Variants in SH2D1A observed in about 807,000 individuals in gnomAD.
The protein encoded by SH2D1A is SH2 domain containing 1A, also known as SH2 domain-containing protein 1A.
In SH2D1A, 6 loss-of-function variants were observed where a neutral mutation model predicts 10.1. The ratio of observed to expected loss-of-function variants is 0.60; its 90% confidence interval spans 0.33 to 1.18. The LOEUF (loss-of-function observed/expected upper bound fraction) is 1.18. SH2D1A is among the 50% of genes most tolerant of loss of function. The probability of loss-of-function intolerance (pLI) is 0.04; values close to 1 mark genes in which losing one functional copy is unlikely to be tolerated. For missense variants in SH2D1A, 51 were observed against 97.6 expected (o/e 0.52, Z 2.01); for synonymous variants, 42 against 36.9 (o/e 1.14, Z -0.51).
chrX:124,350,525 T>C (rs5956645), intron 1 of SH2D1A, among the ~76,000 whole-genome samples: 15,899 of 32,078 alleles, frequency 0.5, 4,198 homozygotes, highest in African/African-American at 0.7. Flanking sequence ...TATTATATAC[T>C]ATATATAATA....
intron 1 of SH2D1A, among the ~76,000 whole-genome samples, chrX:124,353,673 A>G (rs186687608): frequency 7.1e-5 from 8 of 111,999 alleles, no homozygotes; most frequent in Admixed American, 6.7e-4. Context: ...TAAAATAATT[A>G]GCTCAAAAAA....
chrX:124,368,793 T>C (rs1416780175), intron 2 of SH2D1A, among the ~76,000 whole-genome samples: 1 of 112,564 alleles, frequency 8.9e-6, no homozygotes, highest in East Asian at 2.8e-4. Context: ...AAAAGTGCAC[T>C]GAGGAAAGTA....
chrX:124,366,574 A>G (rs2060055409), intron 2 of SH2D1A, among the ~76,000 whole-genome samples: 1 of 111,408 alleles, frequency 9.0e-6, no homozygotes, highest in African/African-American at 3.3e-5. Flanking sequence ...TGAAGTCTAG[A>G]CTTCAAGAAG....
At chrX:124,358,658 C>T (rs986351962) in intron 1 of SH2D1A, among the ~76,000 whole-genome samples, 3 of 112,184 alleles carry the variant, frequency 2.7e-5, no homozygotes, top group Non-Finnish European at 5.6e-5. Flanking sequence ...TGAATGACTA[C>T]GGAGGAGGTG....
At chrX:124,361,833 A>G (rs761844334) in intron 1 of SH2D1A, among the ~76,000 whole-genome samples, 1 of 111,953 alleles carries the variant, frequency 8.9e-6, no homozygotes, top group Non-Finnish European at 1.9e-5. Flanking sequence ...ATACAAAAGG[A>G]GAGAGATGAA....
intron 1 of SH2D1A, among the ~76,000 whole-genome samples, chrX:124,348,856 C>T (rs1008513827): frequency 8.9e-6 from 1 of 111,817 alleles, no homozygotes; most frequent in Non-Finnish European, 1.9e-5. Flanking sequence ...AACGGAATGG[C>T]CATTGAGAGG....
In SH2D1A at chrX:124,352,627, A is replaced by G. The variant is rs1326975963; in HGVS notation, c.137+5848A>G. 2.0e-4 allele frequency among the ~76,000 whole-genome samples: 22 copies of G among 111,840 alleles called. 1 individual carries two copies. The Admixed American group carries it at 2.1e-3, about 11-fold the overall frequency. Reference sequence around the variant, plus strand: ...GGATTTCATTCTTTTTAATGGCCAGATAGTATTCAATTGTATATGCATAGC... The same window carrying G: ...GGATTTCATTCTTTTTAATGGCCAGGTAGTATTCAATTGTATATGCATAGC... On this transcript the variant is annotated intron_variant, in intron 1 of 3. Transcript: ENST00000371139.
At chrX:124,369,732 T>C (rs1418804163) in intron 2 of SH2D1A, among the ~76,000 whole-genome samples, 1 of 111,921 alleles carries the variant, frequency 8.9e-6, no homozygotes, top group East Asian at 2.8e-4. Flanking sequence ...GATGGGTTGT[T>C]GGTTTTTCTT....
chrX:124,355,830 G>A (rs1448816243), intron 1 of SH2D1A, among the ~76,000 whole-genome samples: 1 of 111,790 alleles, frequency 8.9e-6, no homozygotes, highest in African/African-American at 3.3e-5. Flanking sequence ...GTTTTGAATA[G>A]TTGTAATCAG....
chrX:124,350,175 CTAATATATATAATATATAAATATA>C lies in SH2D1A; in HGVS notation c.137+3404_137+3427del, dbSNP rs2060004358. On this transcript the variant is annotated intron_variant, in intron 1 of 3. Coordinates refer to ENST00000371139, the MANE Select transcript of SH2D1A (RefSeq NM_002351.5). The stretch of plus-strand genomic sequence containing the variant: ...TATATATTTATATATATATAAATAT[CTAATATATATAATATATAAATATA>C]TAATATAAAATATATAATATATAAA... Among the ~76,000 whole-genome samples the C allele has an allele frequency of 6.9e-5, 4 of 57,905 alleles. No homozygotes were observed. The South Asian group carries it at 2.9e-3, about 42-fold the overall frequency. The allele number at this position is 57,905 out of a possible 115,157, so 50.3% of individuals were successfully genotyped here.
At chrX:124,371,312 T>C (rs776527290) in intron 3 of SH2D1A, 39 bp from the exon 4 acceptor site, 5 of 956,910 alleles carry the variant, frequency 5.2e-6, no homozygotes, top group Middle Eastern at 2.9e-4. Flanking sequence ...TAATAGTTTG[T>C]AAGTTTATTT....
chrX:124,369,588 T>G (rs954980761), intron 2 of SH2D1A, among the ~76,000 whole-genome samples: 3 of 112,062 alleles, frequency 2.7e-5, no homozygotes, highest in Non-Finnish European at 5.6e-5. Flanking sequence ...AAAAATTTAA[T>G]GTGAAGAATG....
chrX:124,347,306 A>G (rs2059996075), intron 1 of SH2D1A, among the ~76,000 whole-genome samples: 2 of 110,329 alleles, frequency 1.8e-5, no homozygotes, highest in Admixed American at 1.9e-4. Context: ...GTGTGTCAGT[A>G]AAATCACCTC....
chrX:124,372,116 G>A lies in SH2D1A; in HGVS notation c.*725G>A, dbSNP rs2060070895. 6.2e-6 allele frequency: 1 copy of A among 161,067 alleles called. No individual in the cohort carries two copies. The highest frequency in any genetic ancestry group is 3.3e-4 in the South Asian group (1 of 3,063). 13.3% of individuals were successfully genotyped at this position (161,067 alleles called of 1,213,427 possible). ...TTTCTTTTCATTTACCTCTGCCCCA[G>A]TTGTTTCTACTACATGGAAGACCTC... On this transcript the variant is annotated 3_prime_UTR_variant, in exon 4 of 4. Transcript: ENST00000371139.
rs776745750 is a variant in SH2D1A at position 124,359,514 on chromosome X, G to T, written c.138-6247G>T. On this transcript the variant is annotated intron_variant, in intron 1 of 3. Coordinates refer to ENST00000371139, the MANE Select transcript of SH2D1A (RefSeq NM_002351.5). ...GTTTCACTGCTTCCATCTCCATTTTGCTATGTGGCTTTAAGAAAATCACTT... is the reference window on the plus strand; with the variant it reads ...GTTTCACTGCTTCCATCTCCATTTTTCTATGTGGCTTTAAGAAAATCACTT... 8.1e-5 allele frequency among the ~76,000 whole-genome samples: 9 copies of T among 111,551 alleles called. No homozygotes were observed. In the South Asian group the frequency reaches 3.4e-3, roughly 42 times the overall value.
chrX:124,366,629 G>A (rs2060055540), intron 2 of SH2D1A, among the ~76,000 whole-genome samples: 1 of 111,016 alleles, frequency 9.0e-6, no homozygotes, highest in African/African-American at 3.3e-5. Flanking sequence ...AAGTTGGAAA[G>A]TATAAATTAC....
At chrX:124,362,060 C>A (rs1197753282) in intron 1 of SH2D1A, among the ~76,000 whole-genome samples, 1 of 111,895 alleles carries the variant, frequency 8.9e-6, no homozygotes, top group African/African-American at 3.3e-5. Flanking sequence ...AGAAATATTA[C>A]CAGTTTGGAC....
At chrX:124,358,686 G>A (rs2060032100) in intron 1 of SH2D1A, among the ~76,000 whole-genome samples, 1 of 112,215 alleles carries the variant, frequency 8.9e-6, no homozygotes, top group South Asian at 3.8e-4. Context: ...ACTGCCCTGG[G>A]CAGGTGGAAG....
At chrX:124,369,648 G>T (rs1405006117) in intron 2 of SH2D1A, among the ~76,000 whole-genome samples, 1 of 111,989 alleles carries the variant, frequency 8.9e-6, no homozygotes, top group African/African-American at 3.2e-5. Flanking sequence ...AACTAGCCGT[G>T]CACTGTGTGC....
Sources: gnomAD v4.1 joint callset for allele counts (sites outside exome capture counted in the v4.1 genomes callset) on GRCh38, gnomAD v4.1.1 for gene constraint, MANE v1.5 for transcripts, NCBI Gene and HGNC (gene_info 2026-07-23, HGNC 2026-07-21) for gene names.